Variants in DENND2B observed in about 807,000 individuals in gnomAD.
DENND2B encodes the protein DENN domain-containing protein 2B.
Under a neutral mutation model 116.0 loss-of-function variants are expected in DENND2B, and 32 were observed. The ratio of observed to expected loss-of-function variants is 0.28; its 90% CI spans 0.21 to 0.37. The LOEUF (loss-of-function observed/expected upper bound fraction) is 0.37, where lower values mean the gene tolerates loss of function less well. Among genes scored for constraint, DENND2B ranks in the 10% least tolerant of loss-of-function variants. The pLI, the probability that DENND2B is intolerant of heterozygous loss-of-function variation, is 1.00. For synonymous variants in DENND2B, 588 were observed against 583.9 expected, an observed-to-expected ratio of 1.01 and a Z score of -0.10; for missense variants, 1,276 against 1,477.7, an observed-to-expected ratio of 0.86 and a Z score of 2.24.
chr11:8,743,344 GT>G (rs2050588287), intron 2 of DENND2B, among the ~76,000 whole-genome samples: 1 of 151,990 alleles, frequency 6.6e-6, no homozygotes, highest in African/African-American at 2.4e-5. Context: ...GAGGTCAGGA[GT>G]TTGAGACCAG....
chr11:8,720,933 C>A (rs538036129), intron 4 of DENND2B, among the ~76,000 whole-genome samples: 10 of 152,134 alleles, frequency 6.6e-5, no homozygotes, highest in Non-Finnish European at 1.5e-4. Context: ...TCAGCAGGGG[C>A]ATGAATGGGA....
At chr11:8,792,042 C>A (rs2059428177) in intron 1 of DENND2B, among the ~76,000 whole-genome samples, 1 of 151,788 alleles carries the variant, frequency 6.6e-6, no homozygotes, top group Non-Finnish European at 1.5e-5. Context: ...CCCGTCTCTA[C>A]AAAAATACAA....
chr11:8,837,563 G>T (rs1307795366), intron 4 of DENND2B, among the ~76,000 whole-genome samples: 2 of 152,004 alleles, frequency 1.3e-5, no homozygotes, highest in Non-Finnish European at 2.9e-5. Flanking sequence ...GGCCAGGCTG[G>T]TCTCGAACTC....
At chr11:8,882,409 A>G (rs942076935) in intron 1 of DENND2B, among the ~76,000 whole-genome samples, 23 of 152,320 alleles carry the variant, frequency 1.5e-4, no homozygotes, top group Middle Eastern at 3.4e-3. Context: ...ACCATTGTTC[A>G]TAAGTATTGC....
At chr11:8,708,331 C>T (rs902452247) in intron 11 of DENND2B, 12 of 985,308 alleles carry the variant, frequency 1.2e-5, no homozygotes, top group Non-Finnish European at 1.4e-5. Context: ...GATCCACCTC[C>T]ATTCTAAGAG....
intron 2 of DENND2B, among the ~76,000 whole-genome samples, chr11:8,742,732 C>T (rs1168915177): frequency 6.6e-6 from 1 of 152,188 alleles, no homozygotes; most frequent in Non-Finnish European, 1.5e-5. Context: ...CTTCCAGTAC[C>T]TCTAGGCAGG....
chr11:8,897,135 T>C (rs2064112253), intron 1 of DENND2B, among the ~76,000 whole-genome samples: 1 of 152,088 alleles, frequency 6.6e-6, no homozygotes, highest in Admixed American at 6.5e-5. Context: ...TGCATGCCTG[T>C]AATCCCAGCT....
At chr11:8,774,641 A>G in intron 1 of DENND2B, among the ~76,000 whole-genome samples, 1 of 152,140 alleles carries the variant, frequency 6.6e-6, no homozygotes, top group Non-Finnish European at 1.5e-5. Flanking sequence ...AGCTGGGCTG[A>G]TAAACTACAA....
At chr11:8,787,667 A>G (rs1193040126) in intron 1 of DENND2B, among the ~76,000 whole-genome samples, 1 of 152,250 alleles carries the variant, frequency 6.6e-6, no homozygotes, top group African/African-American at 2.4e-5. Flanking sequence ...TCTAACGTCC[A>G]TGGGCACAGA....
intron 1 of DENND2B, among the ~76,000 whole-genome samples, chr11:8,890,028 C>T (rs993562083): frequency 2.2e-4 from 33 of 152,204 alleles, no homozygotes; most frequent in African/African-American, 5.8e-4. Context: ...CGGCTGGGTA[C>T]TCCTCTGAGA....
intron 1 of DENND2B, among the ~76,000 whole-genome samples, chr11:8,756,833 G>C (rs2053693910): frequency 6.6e-6 from 1 of 152,206 alleles, no homozygotes; most frequent in African/African-American, 2.4e-5. Flanking sequence ...ATGCCCATGG[G>C]AATGGAGCAG....
At chr11:8,870,954 C>T (rs2063763257) in exon 2 of DENND2B, 1 of 151,912 alleles carries the variant, frequency 6.6e-6, no homozygotes, top group African/African-American at 2.4e-5. Context: ...AGGCGCTTAC[C>T]TCTGCGTTCC....
At chr11:8,884,321 TTTG>T (rs1353856168) in intron 1 of DENND2B, among the ~76,000 whole-genome samples, 21 of 152,234 alleles carry the variant, frequency 1.4e-4, no homozygotes, top group African/African-American at 3.9e-4. Flanking sequence ...CCTTTGTTTT[TTTG>T]TTGTTGTTGT....
At chr11:8,753,359 AAAGG>A (rs1435834413) in intron 1 of DENND2B, among the ~76,000 whole-genome samples, 1 of 152,256 alleles carries the variant, frequency 6.6e-6, no homozygotes, top group East Asian at 1.9e-4. Context: ...GAAATAAATA[AAAGG>A]AATGCAAGAC....
intron 1 of DENND2B, among the ~76,000 whole-genome samples, chr11:8,781,301 G>T (rs12099164): frequency 0.017 from 2,657 of 152,216 alleles, 71 homozygotes; most frequent in African/African-American, 0.06. Context: ...CATGGGAAAG[G>T]TTGCCAGCCC....
At chr11:8,791,644 G>A (rs924062464) in intron 1 of DENND2B, among the ~76,000 whole-genome samples, 2 of 151,928 alleles carry the variant, frequency 1.3e-5, no homozygotes, top group Admixed American at 1.3e-4. Context: ...GCATGTGCCT[G>A]TAGTCCCACC....
chr11:8,718,416 C>G (rs908799401), intron 4 of DENND2B: 2 of 1,528,558 alleles, frequency 1.3e-6, no homozygotes, highest in Middle Eastern at 1.7e-4. Flanking sequence ...CTTCGCCAGG[C>G]CCCCTTCTCA....
intron 1 of DENND2B, chr11:8,766,676 C>G (rs2055862579): frequency 1.6e-6 from 2 of 1,288,958 alleles, no homozygotes; most frequent in South Asian, 2.5e-5. Flanking sequence ...GCTATGCGCC[C>G]CACCTCCATT....
chr11:8,891,440 A>T (rs905584013), intron 1 of DENND2B, among the ~76,000 whole-genome samples: 3 of 152,248 alleles, frequency 2.0e-5, no homozygotes, highest in Non-Finnish European at 4.4e-5. Flanking sequence ...AAAGACACAG[A>T]CTAGTAAATT....
Sources: gnomAD v4.1 joint callset for allele counts (sites outside exome capture counted in the v4.1 genomes callset) on GRCh38, gnomAD v4.1.1 for gene constraint, MANE v1.5 for transcripts, NCBI Gene and HGNC (gene_info 2026-07-23, HGNC 2026-07-21) for gene names.